CSMD2: variants seen among roughly 807,000 people sequenced by gnomAD.
CSMD2 encodes the protein CUB and sushi domain-containing protein 2.
CSMD2 carries 130 observed loss-of-function variants against 398.5 expected under a neutral mutation model. That is an observed-to-expected ratio of 0.33 (90% CI 0.28 to 0.38). The LOEUF is 0.38. Ranked by LOEUF, CSMD2 falls within the 10% of genes least tolerant of loss-of-function variation. CSMD2 has a pLI of 1.00. For synonymous variants in CSMD2, 1,828 were observed against 1,908.5 expected, an observed-to-expected ratio of 0.96 and a Z score of 1.10; for missense variants, 3,829 against 4,764.9, an observed-to-expected ratio of 0.80 and a Z score of 5.78.
intron 1 of CSMD2, among the ~76,000 whole-genome samples, chr1:34,126,679 A>G (rs530228354): frequency 3.0e-4 from 45 of 152,224 alleles, no homozygotes; most frequent in Middle Eastern, 3.4e-3. Context: ...TGCAGGAGGG[A>G]GTGGAGTGGG....
At chr1:33,955,818 G>A (rs547783014) in intron 3 of CSMD2, among the ~76,000 whole-genome samples, 119 of 152,082 alleles carry the variant, frequency 7.8e-4, no homozygotes, top group Non-Finnish European at 1.5e-3. Flanking sequence ...ATAAAGTGCC[G>A]GCGTTCAGTC....
At chr1:33,930,674 AATC>A (rs1644285176) in intron 4 of CSMD2, among the ~76,000 whole-genome samples, 1 of 152,148 alleles carries the variant, frequency 6.6e-6, no homozygotes, top group Admixed American at 6.5e-5. Flanking sequence ...CTGTTGCTGA[AATC>A]CACATGATCT....
chr1:33,703,011 TTTTG>T (rs778346222), intron 22 of CSMD2, among the ~76,000 whole-genome samples: 80 of 152,270 alleles, frequency 5.3e-4, no homozygotes, highest in East Asian at 1.5e-3. Flanking sequence ...ATACATTTGG[TTTTG>T]TTTGTCAACT....
At chr1:33,999,579 A>C (rs1389197894) in intron 3 of CSMD2, among the ~76,000 whole-genome samples, 1 of 151,556 alleles carries the variant, frequency 6.6e-6, no homozygotes, top group African/African-American at 2.4e-5. Flanking sequence ...TTTTTGGTAG[A>C]CAGGGTCTCA....
rs1025828606 is a variant in CSMD2 at position 33,854,866 on chromosome 1, A to C, written c.921-7870T>G. ...AACAGGGAGCCTGGCTGTTGCCGGGATGAGGGCTTCCTCACCAACACGCTG... is the reference window on the plus strand; with the variant it reads ...AACAGGGAGCCTGGCTGTTGCCGGGCTGAGGGCTTCCTCACCAACACGCTG... On this transcript the variant is annotated intron_variant, in intron 5 of 70. Coordinates refer to ENST00000373381, the MANE Select transcript of CSMD2 (RefSeq NM_001281956.2). Among the ~76,000 whole-genome samples the C allele has an allele frequency of 6.9e-4, 105 of 152,112 alleles. 1 individual carries two copies. The highest frequency in any genetic ancestry group is 1.3e-4 in the Admixed American group (2 of 15,264).
Position 33,652,252 on chromosome 1 carries a change from T to A in CSMD2, c.4586+71A>T, listed in dbSNP as rs577437714. The A allele has an allele frequency of 2.0e-6, 3 of 1,537,636 alleles. No homozygotes were observed. The African/African-American group carries it at 4.1e-5, about 21-fold the overall frequency. ...TGCTACAGACCTGTGAATACTCACC[T>A]GGAGACCCAGGTCCCAGAGCCCCTA... On this transcript the variant is annotated intron_variant, in intron 28 of 70. Transcript: ENST00000373381.
chr1:34,133,567 G>T (rs1638375785), intron 1 of CSMD2, among the ~76,000 whole-genome samples: 1 of 151,800 alleles, frequency 6.6e-6, no homozygotes, highest in Non-Finnish European at 1.5e-5. Flanking sequence ...GGAGGTGGAG[G>T]TTGCAGTGAG....
intron 68 of CSMD2, among the ~76,000 whole-genome samples, chr1:33,521,155 G>A (rs1218133691): frequency 1.3e-5 from 2 of 152,220 alleles, no homozygotes; most frequent in Non-Finnish European, 2.9e-5. Flanking sequence ...GTGACACCCA[G>A]GGCTGGCTGG....
At position 33,633,010 on chromosome 1, in the gene CSMD2, T is replaced by C. The variant is rs1263354711; in HGVS notation, c.5200+412A>G. Among the ~76,000 whole-genome samples the C allele has an allele frequency of 6.6e-6, 1 of 152,222 alleles. No homozygotes were observed. Among genetic ancestry groups the C allele is most frequent in the South Asian group, 2.1e-4 (1 of 4,834 alleles). On this transcript the variant is annotated intron_variant, in intron 32 of 70. Transcript: ENST00000373381. The surrounding 1 kb of genome is among the most constrained non-coding windows in gnomAD (Gnocchi z 5.0). ...TAAAATATGTAAACGTCGAAGTAGA[T>C]ACAAAGACTGGAAGGAAATCCACTA... is the stretch of plus-strand genomic sequence containing the variant.
At chr1:34,022,372 TCA>T (rs1364675267) in intron 3 of CSMD2, among the ~76,000 whole-genome samples, 2 of 152,184 alleles carry the variant, frequency 1.3e-5, no homozygotes, top group East Asian at 3.9e-4. Flanking sequence ...TTGCTCAAAG[TCA>T]CATGCTGGCT....
intron 56 of CSMD2, 47 bp from the exon 57 acceptor site, chr1:33,546,266 A>AGGGAGT (rs1361784289): frequency 7.7e-6 from 12 of 1,561,018 alleles, no homozygotes; most frequent in Non-Finnish European, 1.0e-5. Flanking sequence ...AGGGAAGAAA[A>AGGGAGT]GGGAGTGGAG....
At chr1:33,622,910 G>C (rs1455181369) in intron 36 of CSMD2, among the ~76,000 whole-genome samples, 1 of 152,220 alleles carries the variant, frequency 6.6e-6, no homozygotes, top group African/African-American at 2.4e-5. Context: ...GCACAAAAGT[G>C]GAAACAAGCC....
chr1:33,875,815 G>A (rs1640801004), intron 5 of CSMD2, among the ~76,000 whole-genome samples: 1 of 152,192 alleles, frequency 6.6e-6, no homozygotes, highest in African/African-American at 2.4e-5. Context: ...TGGAGGGAGG[G>A]GGGCTGTTAA....
intron 3 of CSMD2, among the ~76,000 whole-genome samples, chr1:33,945,276 CTTGGGATATTTGGAATATGCTTATACT>C (rs1379514449): frequency 1.3e-5 from 2 of 152,080 alleles, no homozygotes; most frequent in Non-Finnish European, 2.9e-5. Flanking sequence ...AAGGATATCC[CTTGGGATATTTGGAATATGCTTATACT>C]AAAAAGACTT....
At chr1:34,030,148 G>A (rs1029875384) in intron 3 of CSMD2, among the ~76,000 whole-genome samples, 1 of 152,182 alleles carries the variant, frequency 6.6e-6, no homozygotes, top group African/African-American at 2.4e-5. Flanking sequence ...TGTGGTTGCT[G>A]AACATTTGAC....
intron 28 of CSMD2, among the ~76,000 whole-genome samples, chr1:33,650,992 C>T (rs777373771): frequency 1.3e-4 from 20 of 152,316 alleles, no homozygotes; most frequent in Admixed American, 1.3e-3. Context: ...GACTCATCCA[C>T]GTTGTTGCAT....
Position 33,814,442 on chromosome 1 carries a change from T to C in CSMD2, c.1325-3578A>G, listed in dbSNP as rs118083276. Among the ~76,000 whole-genome samples the C allele has an allele frequency of 3.4e-3, 525 of 152,326 alleles. 13 individuals carry two copies. The East Asian group carries it at 0.042, about 12-fold the overall frequency. The stretch of plus-strand genomic sequence containing the variant: ...TTCTGCTCAAAGACTTTTTCACATG[T>C]TCTAGACATTCCTTGAACATCTTCC... On this transcript the variant is annotated intron_variant, in intron 9 of 70. Coordinates refer to ENST00000373381, the MANE Select transcript of CSMD2 (RefSeq NM_001281956.2).
At chr1:33,718,768 G>C (rs752495197) in intron 19 of CSMD2, among the ~76,000 whole-genome samples, 1 of 152,212 alleles carries the variant, frequency 6.6e-6, no homozygotes, top group Non-Finnish European at 1.5e-5. Context: ...ATAAATGATG[G>C]TTGGAGATAA....
At chr1:34,013,739 G>A (rs1485783154) in intron 3 of CSMD2, among the ~76,000 whole-genome samples, 4 of 152,170 alleles carry the variant, frequency 2.6e-5, no homozygotes, top group Non-Finnish European at 2.9e-5. Context: ...ACAGGCAAAG[G>A]CAGCCTTGGG....
Sources: allele counts gnomAD v4.1 joint callset (sites outside exome capture counted in the v4.1 genomes callset), GRCh38; gene constraint gnomAD v4.1.1; non-coding constraint Gnocchi (gnomAD v3.1); transcripts MANE v1.5; gene names NCBI Gene and HGNC (gene_info 2026-07-23, HGNC 2026-07-21).